The following NLRP12 variants were observed in gnomAD, a reference collection of about 807,000 sequenced individuals.
NLRP12 encodes NACHT, LRR and PYD domains-containing protein 12.
In NLRP12, 108 loss-of-function variants were observed where a neutral mutation model predicts 91.2. The ratio of observed to expected loss-of-function variants is 1.18; its 90% CI spans 1.01 to 1.39. NLRP12 has a LOEUF of 1.39. NLRP12 is among the 40% of genes most tolerant of loss of function. The probability of loss-of-function intolerance (pLI) is 0.00; values close to 1 mark genes in which losing one functional copy is unlikely to be tolerated. For synonymous variants in NLRP12, 613 were observed against 566.7 expected (o/e 1.08, Z -1.16); for missense variants, 1,530 against 1,352.7 (o/e 1.13, Z -2.06).
Position 53,809,630 on chromosome 19 carries a change from G to T in NLRP12, c.2029C>A (p.Arg677Ser). 1.2e-6 allele frequency: 2 copies of T among 1,613,242 alleles called. No homozygotes were observed. The highest frequency in any genetic ancestry group is 1.7e-6 in the Non-Finnish European group (2 of 1,179,894). ...GATYSADGED[R>S]ARCSAGAHTL... ...TGCGCTCCTGCGGAGCACCTCGCGC[G>T]GTCTTCCCCGTCCGCGCTGTAGGTG... The change falls in exon 3 of 10, where the codon CGC (arginine) becomes AGC (serine). Residue 677 changes from arginine (R) to serine (S), a missense_variant. Transcript: ENST00000324134.
intron 6 of NLRP12, among the ~76,000 whole-genome samples, chr19:53,801,882 C>T (rs1162564884): frequency 2.6e-5 from 4 of 151,536 alleles, no homozygotes; most frequent in African/African-American, 7.3e-5. Context: ...CACCTGAGGT[C>T]GGGAGTTTGA....
intron 5 of NLRP12, among the ~76,000 whole-genome samples, chr19:53,804,393 GTTTT>G (rs923117109): frequency 4.4e-5 from 5 of 114,876 alleles, no homozygotes; most frequent in East Asian, 2.6e-4. Context: ...TTTTTTTTGG[GTTTT>G]TTTGTTTTTT....
chr19:53,822,751 A>AG (rs1334268390), intron 1 of NLRP12, among the ~76,000 whole-genome samples: 1 of 150,162 alleles, frequency 6.7e-6, no homozygotes, highest in African/African-American at 2.5e-5. Flanking sequence ...AAAAAAAAAA[A>AG]AAAGGATACC....
chr19:53,821,024 A>AT (rs916766607), intron 1 of NLRP12, among the ~76,000 whole-genome samples: 3 of 115,890 alleles, frequency 2.6e-5, no homozygotes, highest in South Asian at 2.6e-4. Flanking sequence ...TATAAATCAT[A>AT]TTTTTTCTTT....
Position 53,794,024 on chromosome 19 carries a change from G to T in NLRP12, c.*25C>A, listed in dbSNP as rs756850618. 21 of 1,553,480 alleles carry T rather than the reference G, an allele frequency of 1.4e-5. No individual in the cohort carries two copies. Among genetic ancestry groups the T allele is most frequent in the Non-Finnish European group, 1.9e-5 (21 of 1,124,910 alleles). On this transcript the variant is annotated 3_prime_UTR_variant, in exon 10 of 10. Coordinates refer to ENST00000324134, the MANE Select transcript of NLRP12 (RefSeq NM_144687.4). ...CCCATCTTCCTCTGTCCAGATCTCA[G>T]GGGAGAGCCAGCAGATAGGACCATT...
At chr19:53,818,747 G>A (rs1474937162) in intron 1 of NLRP12, among the ~76,000 whole-genome samples, 1 of 152,168 alleles carries the variant, frequency 6.6e-6, no homozygotes, top group Non-Finnish European at 1.5e-5. Flanking sequence ...CTCCCTCAGT[G>A]TTTCCTAGGC....
At chr19:53,823,723 T>A (rs1461155448) in intron 1 of NLRP12, among the ~76,000 whole-genome samples, 163 bp downstream of exon 1, 1 of 151,432 alleles carries the variant, frequency 6.6e-6, no homozygotes, top group Non-Finnish European at 1.5e-5. Context: ...TAATTTTTTT[T>A]ATTTTTGGTA....
At chr19:53,799,010 A>T (rs985165305) in intron 7 of NLRP12, among the ~76,000 whole-genome samples, 2 of 119,616 alleles carry the variant, frequency 1.7e-5, no homozygotes, top group Admixed American at 9.2e-5. Flanking sequence ...CTATCTACAA[A>T]TTTTTTTTTT....
At chr19:53,796,734 C>A (rs548165452) in intron 8 of NLRP12, among the ~76,000 whole-genome samples, 2 of 151,706 alleles carry the variant, frequency 1.3e-5, no homozygotes, top group South Asian at 4.2e-4. Flanking sequence ...TGGTGGCTCA[C>A]GCCTGTAATT....
At chr19:53,821,525 A>G (rs1009771566) in intron 1 of NLRP12, among the ~76,000 whole-genome samples, 2 of 152,056 alleles carry the variant, frequency 1.3e-5, no homozygotes, top group African/African-American at 4.8e-5. Context: ...AAAATTAGCC[A>G]GGCATGGTGG....
At chr19:53,815,901 C>T (rs1371660156) in intron 1 of NLRP12, among the ~76,000 whole-genome samples, 1 of 151,838 alleles carries the variant, frequency 6.6e-6, no homozygotes, top group Non-Finnish European at 1.5e-5. Context: ...TGAGCCACTG[C>T]GCCTGGCGAC....
chr19:53,823,863 T>G (rs961375167), intron 1 of NLRP12, 23 bp downstream of exon 1: 1 of 1,613,484 alleles, frequency 6.2e-7, no homozygotes, highest in African/African-American at 1.3e-5. Context: ...ATTCTAGCCT[T>G]GCCTGTCCCG....
At chr19:53,820,393 G>A (rs1404239116) in intron 1 of NLRP12, among the ~76,000 whole-genome samples, 1 of 152,072 alleles carries the variant, frequency 6.6e-6, no homozygotes, top group Non-Finnish European at 1.5e-5. Flanking sequence ...AGCTGGGTGT[G>A]GTGGCACGCA....
At chr19:53,809,536 AAAAAAC>A (rs1555795524) in intron 3 of NLRP12, 45 bp downstream of exon 3, 4 of 1,460,810 alleles carry the variant, frequency 2.7e-6, no homozygotes, top group Non-Finnish European at 3.7e-6. Context: ...AAAAAAAAAA[AAAAAAC>A]ACACGAACCT....
rs2091941130 is a variant in NLRP12 at position 53,805,361 on chromosome 19, C to T, written c.2333G>A (p.Ser778Asn). The T allele has an allele frequency of 6.2e-7, 1 of 1,614,132 alleles. No homozygotes were observed. Among genetic ancestry groups the T allele is most frequent in the Non-Finnish European group, 8.5e-7 (1 of 1,180,016 alleles). Residue 778 changes from serine (S) to asparagine (N), a missense_variant, in exon 5 of 10, where the codon AGT (serine) becomes AAT (asparagine). Coordinates refer to ENST00000324134, the MANE Select transcript of NLRP12 (RefSeq NM_144687.4). ...GCCTGGGAATCCAACGCCGTTGCCA[C>T]TGAGATCCATCCTTGTCAAATTCTT... Reference protein sequence around the residue: ...ANKNLTRMDLSGNGVGFPGMM... With the variant: ...ANKNLTRMDLNGNGVGFPGMM...
chr19:53,813,281 CT>C (rs34880938), intron 2 of NLRP12, among the ~76,000 whole-genome samples: 86 of 111,512 alleles, frequency 7.7e-4, no homozygotes, highest in African/African-American at 9.4e-4. Context: ...AACTGCTATT[CT>C]TTTTTTTTTT....
rs776191575 is a variant in NLRP12 at position 53,823,996 on chromosome 19, A to G, written c.179T>C (p.Leu60Pro). The change falls in exon 1 of 10, where the codon CTC becomes CCC. Residue 60 changes from leucine (L) to proline (P), a missense_variant. Physicochemically the swap from Leu to Pro is moderately conservative, Grantham distance 98 (BLOSUM62 -3). Transcript: ENST00000324134. ...CTCCTCTGGCCCGAAGTGGGTGATG[A>G]GCAGCTGGGCCATTTCCAGGGGACC... ...KAGPLEMAQL[L>P]ITHFGPEEAW... 4 of 1,614,154 alleles carry G rather than the reference A, an allele frequency of 2.5e-6. No individual in the cohort carries two copies. In the East Asian group the frequency reaches 8.9e-5, roughly 36 times the overall value.
At position 53,809,244 on chromosome 19, in the gene NLRP12, A is replaced by C. The variant is rs1353298091; in HGVS notation, c.2072+343T>G. Among the ~76,000 whole-genome samples the C allele has an allele frequency of 2.5e-5, 3 of 120,086 alleles. No homozygotes were observed. In the East Asian group the frequency reaches 7.2e-4, roughly 29 times the overall value. The allele number at this position is 120,086 out of a possible 152,430, so 78.8% of individuals were successfully genotyped here. The stretch of plus-strand genomic sequence containing the variant: ...TAGTTTAAAAAAAAAAAAAAAAAAA[A>C]ATCGTGGGCCGGGTGCAGTGGCTCA... On this transcript the variant is annotated intron_variant, in intron 3 of 9. Transcript: ENST00000324134.
chr19:53,801,110 A>AT lies in NLRP12; in HGVS notation c.2756+116_2756+117insA. 3 of 856,680 alleles carry AT rather than the reference A, an allele frequency of 3.5e-6. No homozygotes were observed. The South Asian group carries it at 4.6e-5, about 13-fold the overall frequency. 53.1% of individuals were successfully genotyped at this position (856,680 alleles called of 1,614,324 possible). On this transcript the variant is annotated intron_variant, in intron 7 of 9. Coordinates refer to ENST00000324134, the MANE Select transcript of NLRP12 (RefSeq NM_144687.4). ...TGGGAGTCTCAAAAAAAAAAAAAAA[A>AT]GGCTGATGTAGTAGCTAGAGTTTAG... is the stretch of plus-strand genomic sequence containing the variant.
Sources: gnomAD v4.1 joint callset for allele counts (sites outside exome capture counted in the v4.1 genomes callset) on GRCh38, gnomAD v4.1.1 for gene constraint, MANE v1.5 for transcripts, NCBI Gene and HGNC (gene_info 2026-07-23, HGNC 2026-07-21) for gene names.